Variants in AXL observed in about 807,000 individuals in gnomAD.
AXL encodes the protein AXL receptor tyrosine kinase.
In AXL, 52 loss-of-function variants were observed where a neutral mutation model predicts 104.5. The ratio of observed to expected loss-of-function variants is 0.50; its 90% CI spans 0.40 to 0.63. The LOEUF (loss-of-function observed/expected upper bound fraction) is 0.63, where lower values mean the gene tolerates loss of function less well. Ranked by LOEUF, AXL falls within the 20% of genes least tolerant of loss-of-function variation. AXL has a pLI of 0.00. For synonymous variants in AXL, 455 were observed against 473.7 expected, an observed-to-expected ratio of 0.96 and a Z score of 0.51; for missense variants, 1,024 against 1,188.5, an observed-to-expected ratio of 0.86 and a Z score of 2.04.
At chr19:41,239,491 C>T (rs907094607) in intron 9 of AXL, among the ~76,000 whole-genome samples, 177 bp downstream of exon 9, 7 of 151,692 alleles carry the variant, frequency 4.6e-5, no homozygotes, top group East Asian at 1.9e-4. Context: ...ACCTGTGCCA[C>T]GGCCTCACTC....
chr19:41,238,347 A>G, intron 7 of AXL, 123 bp from the exon 8 acceptor site: 2 of 1,506,606 alleles, frequency 1.3e-6, no homozygotes, highest in Non-Finnish European at 1.8e-6. Flanking sequence ...GCTTCCTCTC[A>G]TGGGAGGCCT....
intron 6 of AXL, among the ~76,000 whole-genome samples, chr19:41,234,134 A>G (rs538405574): frequency 2.0e-5 from 3 of 151,952 alleles, no homozygotes; most frequent in Admixed American, 2.0e-4. Flanking sequence ...CCCAGGTCTC[A>G]TGGTGGTGTC....
chr19:41,246,139 G>T (rs1430533300), intron 12 of AXL, among the ~76,000 whole-genome samples: 1 of 152,158 alleles, frequency 6.6e-6, no homozygotes, highest in Non-Finnish European at 1.5e-5. Context: ...CCTTGTGCTT[G>T]TATATTCTTG....
rs147738971 is a variant in AXL, at chr19:41,223,606, G to A, written c.586+1550G>A. Among the ~76,000 whole-genome samples the A allele has an allele frequency of 3.8e-3, 580 of 152,238 alleles. 2 individuals carry two copies. The highest frequency in any genetic ancestry group is 6.7e-3 in the Non-Finnish European group (454 of 68,016). ...GGAATGAGGAGGGGCCTTCTGACTG[G>A]GGGTCTCCAGGGTGGAGGGAGGAGC... On this transcript the variant is annotated intron_variant, in intron 4 of 19. Transcript: ENST00000301178.
chr19:41,221,499 A>G, intron 3 of AXL: 1 of 514,312 alleles, frequency 1.9e-6, no homozygotes, highest in Non-Finnish European at 3.4e-6. Context: ...TGGATGTCCT[A>G]GGCATCAGAC....
chr19:41,230,482 TTG>T (rs765609584), intron 4 of AXL, among the ~76,000 whole-genome samples: 38 of 147,694 alleles, frequency 2.6e-4, no homozygotes, highest in Non-Finnish European at 4.5e-4. Flanking sequence ...ATGTGTGTTT[TTG>T]TGTGTGTATG....
At chr19:41,230,061 G>C (rs373876602) in intron 4 of AXL, among the ~76,000 whole-genome samples, 5 of 152,172 alleles carry the variant, frequency 3.3e-5, no homozygotes, top group African/African-American at 1.2e-4. Context: ...GTATTTCTGT[G>C]TGTGTCTATA....
In AXL at chr19:41,237,992, C is replaced by A; in HGVS notation, c.832C>A (p.Pro278Thr). The change falls in exon 7 of 20, where the codon CCC becomes ACC. Residue 278 changes from proline to threonine, a missense_variant. Pro to Thr is a conservative substitution (Grantham distance 38). Around this residue, in one of 5 missense-constraint regions of AXL, gnomAD observed 332 missense variants for 343.9 expected, o/e 0.97. Transcript: ENST00000301178. ...GMGIQAGEPDPPEEPLTSQAS... is the reference protein window; with the variant it reads ...GMGIQAGEPDTPEEPLTSQAS... ...GGGCATCCAGGCGGGAGAACCAGACCCCCCAGAGGAGCCCCTCACCTCGCA... is the reference window on the plus strand; with the variant it reads ...GGGCATCCAGGCGGGAGAACCAGACACCCCAGAGGAGCCCCTCACCTCGCA... 2 of 1,613,676 alleles carry A rather than the reference C, an allele frequency of 1.2e-6. No homozygotes were observed. The highest frequency in any genetic ancestry group is 8.5e-7 in the Non-Finnish European group (1 of 1,179,872).
intron 12 of AXL, among the ~76,000 whole-genome samples, chr19:41,245,503 A>C (rs1034613841): frequency 6.6e-6 from 1 of 152,060 alleles, no homozygotes; most frequent in Non-Finnish European, 1.5e-5. Flanking sequence ...GCGGGCAGAC[A>C]CTTGAGGTCA....
intron 4 of AXL, among the ~76,000 whole-genome samples, chr19:41,224,118 G>T (rs565472287): frequency 6.6e-6 from 1 of 152,064 alleles, no homozygotes; most frequent in Non-Finnish European, 1.5e-5. Flanking sequence ...GCATGATGGA[G>T]TGTACCAGTG....
rs578192336 is a variant in AXL at position 41,261,196 on chromosome 19, C to G, written c.*1292C>G. On this transcript the variant is annotated 3_prime_UTR_variant, in exon 20 of 20. Transcript: ENST00000301178. ...TCTAGATGATTAAATAAGATTCTAA[C>G]GGTCTGTTCTGTTTCAAGGCACTCT... 6.6e-6 allele frequency: 1 copy of G among 152,546 alleles called. No individual in the cohort carries two copies. The highest frequency in any genetic ancestry group is 1.5e-5 in the Non-Finnish European group (1 of 68,038). 9.4% of individuals were successfully genotyped at this position (152,546 alleles called of 1,614,324 possible). A position where few individuals can be genotyped will look rare whatever the true frequency, so the allele number is the denominator to read the frequency against.
intron 11 of AXL, 116 bp downstream of exon 11, chr19:41,243,131 A>C (rs1363964172): frequency 6.8e-7 from 1 of 1,475,144 alleles, no homozygotes; most frequent in East Asian, 2.3e-5. Flanking sequence ...GAATGAGGGC[A>C]AGGGAAGCCA....
intron 2 of AXL, 38 bp from the exon 3 acceptor site, chr19:41,221,108 G>T: frequency 6.3e-7 from 1 of 1,592,716 alleles, no homozygotes; most frequent in South Asian, 1.1e-5. Flanking sequence ...GTCCAGCTCT[G>T]ACCCTGAACC....
chr19:41,223,714 ATGGCTCGAG>A (rs2033831918), intron 4 of AXL, among the ~76,000 whole-genome samples: 1 of 152,104 alleles, frequency 6.6e-6, no homozygotes, highest in Non-Finnish European at 1.5e-5. Context: ...ACTCAGGCCC[ATGGCTCGAG>A]TGGCTGAGTA....
chr19:41,257,020 C>T (rs1334714624), intron 18 of AXL, among the ~76,000 whole-genome samples: 1 of 151,964 alleles, frequency 6.6e-6, no homozygotes, highest in African/African-American at 2.4e-5. Context: ...ATGTGTATAC[C>T]CGTGTCAAGT....
At chr19:41,231,677 A>G (rs577390076) in intron 6 of AXL, among the ~76,000 whole-genome samples, 27 of 152,318 alleles carry the variant, frequency 1.8e-4, no homozygotes, top group African/African-American at 6.5e-4. Context: ...CTGTAATCCC[A>G]GCACTTTGGG....
intron 12 of AXL, among the ~76,000 whole-genome samples, chr19:41,248,003 A>T (rs961337788): frequency 4.6e-5 from 7 of 151,574 alleles, no homozygotes; most frequent in African/African-American, 1.7e-4. Context: ...GCTCATTGCA[A>T]CCTCTGTCTC....
chr19:41,260,120 T>C lies in AXL; in HGVS notation c.*216T>C, dbSNP rs974784783. 3.9e-6 allele frequency: 2 copies of C among 516,814 alleles called. No homozygotes were observed. The highest frequency in any genetic ancestry group is 6.8e-6 in the Non-Finnish European group (2 of 295,684). 32.0% of individuals were successfully genotyped at this position (516,814 alleles called of 1,614,324 possible). A position where few individuals can be genotyped will look rare whatever the true frequency, so the allele number is the denominator to read the frequency against. ...CATCACCATCTGTAAAAGGAAGGGG[T>C]TGGATTGCAATATCTGAAGCCCTCC... On this transcript the variant is annotated 3_prime_UTR_variant, in exon 20 of 20. Coordinates refer to ENST00000301178, the MANE Select transcript of AXL (RefSeq NM_021913.5).
chr19:41,248,399 A>G (rs1445936751), intron 12 of AXL, 115 bp from the exon 13 acceptor site: 3 of 1,042,888 alleles, frequency 2.9e-6, no homozygotes, highest in Admixed American at 1.8e-5. Flanking sequence ...CTAATTTTAA[A>G]TCAGTGCAGA....
Sources: allele counts gnomAD v4.1 joint callset (sites outside exome capture counted in the v4.1 genomes callset), GRCh38; gene constraint gnomAD v4.1.1; regional missense constraint gnomAD v4.1.1; transcripts MANE v1.5; gene names NCBI Gene and HGNC (gene_info 2026-07-23, HGNC 2026-07-21).